GRM1: variants seen among roughly 807,000 people sequenced by gnomAD.
The protein encoded by GRM1 is metabotropic glutamate receptor 1.
In GRM1, 33 loss-of-function variants were observed where a neutral mutation model predicts 90.9. That is an observed-to-expected ratio of 0.36 (90% CI 0.28 to 0.49). GRM1 has a LOEUF of 0.49. GRM1 is among the 20% of genes least tolerant of loss of function. GRM1 has a pLI of 0.99. For synonymous variants in GRM1, 700 were observed against 613.2 expected (o/e 1.14, Z -2.09); for missense variants, 1,190 against 1,534.3 (o/e 0.78, Z 3.75).
At chr6:146,292,154 G>A (rs9485070) in intron 2 of GRM1, among the ~76,000 whole-genome samples, 2,451 of 151,912 alleles carry the variant, frequency 0.016, 53 homozygotes, top group African/African-American at 0.055. Flanking sequence ...AATTAATTCA[G>A]TATAACAATG....
intron 2 of GRM1, among the ~76,000 whole-genome samples, chr6:146,294,933 G>A (rs377391062): frequency 6.6e-6 from 1 of 151,812 alleles, no homozygotes; most frequent in East Asian, 1.9e-4. Flanking sequence ...TTAGAAAAAC[G>A]TGTTACAAAA....
chr6:146,060,409 C>T (rs181467894), intron 1 of GRM1, among the ~76,000 whole-genome samples: 3 of 152,218 alleles, frequency 2.0e-5, no homozygotes, highest in Non-Finnish European at 4.4e-5. Flanking sequence ...CCACTCTCCA[C>T]CCTCAAGTAG....
chr6:146,170,983 A>AT lies in GRM1; in HGVS notation c.950+11393dup, dbSNP rs548202767. On this transcript the variant is annotated intron_variant, in intron 2 of 7. Transcript: ENST00000282753. Reference sequence around the variant, plus strand: ...TGGGTAGATTATTTTATTGAAGTCTATTTTTTTGCAGTGTGAAATCACTTG... The same window carrying AT: ...TGGGTAGATTATTTTATTGAAGTCTATTTTTTTTGCAGTGTGAAATCACTTG... 6.7e-4 allele frequency among the ~76,000 whole-genome samples: 102 copies of AT among 151,996 alleles called. 1 individual carries two copies. In the South Asian group the frequency reaches 0.02, roughly 29 times the overall value.
At position 146,278,938 on chromosome 6, in the gene GRM1, C is replaced by A. The variant is rs1210786538; in HGVS notation, c.951-25673C>A. On this transcript the variant is annotated intron_variant, in intron 2 of 7. Coordinates refer to ENST00000282753, the MANE Select transcript of GRM1 (RefSeq NM_001278064.2). ...GTCAGGATGGTCTCAATCTCTTGAC[C>A]TCCTAATCCGCCCGCCTCGGCCTCC... Among the ~76,000 whole-genome samples the A allele has an allele frequency of 5.9e-5, 9 of 152,258 alleles. No individual in the cohort carries two copies. The East Asian group carries it at 1.7e-3, about 29-fold the overall frequency.
At chr6:146,134,469 C>T (rs753623358) in intron 1 of GRM1, among the ~76,000 whole-genome samples, 5 of 152,134 alleles carry the variant, frequency 3.3e-5, no homozygotes, top group Non-Finnish European at 7.3e-5. Context: ...TTTTAATTCA[C>T]TCACAGTTCG....
intron 3 of GRM1, among the ~76,000 whole-genome samples, chr6:146,351,247 C>A (rs1175797269): frequency 3.3e-5 from 5 of 152,152 alleles, no homozygotes; most frequent in African/African-American, 1.2e-4. Context: ...GACTTTCCCA[C>A]CTTCTAGTAC....
chr6:146,235,755 G>GTGT (rs1349025674), intron 2 of GRM1, among the ~76,000 whole-genome samples: 1 of 140,804 alleles, frequency 7.1e-6, no homozygotes, highest in African/African-American at 2.8e-5. Context: ...TTTCGGTGGT[G>GTGT]GTGTTAGCAT....
rs1258243467 is a variant in GRM1, at chr6:146,267,103, C to T, written c.951-37508C>T. Among the ~76,000 whole-genome samples the T allele has an allele frequency of 3.3e-5, 5 of 152,128 alleles. No individual in the cohort carries two copies. The South Asian group carries it at 1.0e-3, about 32-fold the overall frequency. On this transcript the variant is annotated intron_variant, in intron 2 of 7. Transcript: ENST00000282753. ...CCCCCATGTGTCCATGTGTTTTTAT[C>T]ACTCAGCTCCTACTTATAAGTGAGA...
intron 5 of GRM1, among the ~76,000 whole-genome samples, chr6:146,381,684 T>G (rs1278646512): frequency 6.6e-6 from 1 of 152,196 alleles, no homozygotes; most frequent in African/African-American, 2.4e-5. Flanking sequence ...GCCATCTTGC[T>G]CCACCTAGGG....
At chr6:146,122,839 C>CTTTTTTTTTTTTTTTTTT (rs57859188) in intron 1 of GRM1, among the ~76,000 whole-genome samples, 153 of 62,212 alleles carry the variant, frequency 2.5e-3, no homozygotes, top group Non-Finnish European at 3.1e-3. Context: ...TCTTTTCTTT[C>CTTTTTTTTTTTTTTTTTT]TTTTTTTTTT....
intron 1 of GRM1, among the ~76,000 whole-genome samples, chr6:146,050,687 AAAG>A: frequency 6.6e-6 from 1 of 151,674 alleles, no homozygotes; most frequent in Non-Finnish European, 1.5e-5. Flanking sequence ...CTCATTCTCC[AAAG>A]CAGAATCTAC....
intron 2 of GRM1, among the ~76,000 whole-genome samples, chr6:146,263,288 T>A (rs1285798482): frequency 6.6e-6 from 1 of 151,974 alleles, no homozygotes; most frequent in African/African-American, 2.4e-5. Flanking sequence ...TTTCATGATG[T>A]GAGGAATAGT....
intron 5 of GRM1, among the ~76,000 whole-genome samples, chr6:146,366,521 G>A (rs1349638342): frequency 6.6e-6 from 1 of 151,834 alleles, no homozygotes; most frequent in Admixed American, 6.6e-5. Context: ...CCAGCCTCAG[G>A]TAATCAGCAT....
chr6:146,128,831 C>T (rs1053980613), intron 1 of GRM1, among the ~76,000 whole-genome samples: 1 of 152,114 alleles, frequency 6.6e-6, no homozygotes, highest in African/African-American at 2.4e-5. Flanking sequence ...TCCACTCTCT[C>T]ATCCCAGCAT....
intron 7 of GRM1, among the ~76,000 whole-genome samples, chr6:146,415,573 T>G (rs930992324): frequency 6.6e-6 from 1 of 152,244 alleles, no homozygotes; most frequent in Admixed American, 6.5e-5. Context: ...TATTCATCTA[T>G]CTTTTTGCAA....
chr6:146,065,274 G>C (rs911667985), intron 1 of GRM1, among the ~76,000 whole-genome samples: 10 of 152,076 alleles, frequency 6.6e-5, no homozygotes, highest in Non-Finnish European at 1.2e-4. Flanking sequence ...GTAGGTTCAG[G>C]CTATGTGTGA....
intron 1 of GRM1, among the ~76,000 whole-genome samples, chr6:146,047,723 T>C (rs1309324644): frequency 6.6e-6 from 1 of 152,010 alleles, no homozygotes; most frequent in African/African-American, 2.4e-5. Flanking sequence ...GTTCTCTGCC[T>C]TTTGCAGTGT....
intron 6 of GRM1, among the ~76,000 whole-genome samples, chr6:146,393,164 T>G (rs538234209): frequency 1.3e-5 from 2 of 152,302 alleles, no homozygotes; most frequent in African/African-American, 4.8e-5. Flanking sequence ...TGCAAAAGCG[T>G]TCCTATTTCT....
At chr6:146,172,490 T>C (rs1778169177) in intron 2 of GRM1, among the ~76,000 whole-genome samples, 1 of 152,230 alleles carries the variant, frequency 6.6e-6, no homozygotes, top group Admixed American at 6.5e-5. Context: ...TGACTGGCTA[T>C]TATTTTGAGC....
Sources: allele counts gnomAD v4.1 joint callset (sites outside exome capture counted in the v4.1 genomes callset), GRCh38; gene constraint gnomAD v4.1.1; transcripts MANE v1.5; gene names NCBI Gene and HGNC (gene_info 2026-07-23, HGNC 2026-07-21).